Variants in ATP13A4 observed in about 807,000 individuals in gnomAD.
ATP13A4 encodes the protein ATPase 13A4.
A neutral mutation model predicts 142.5 loss-of-function variants in ATP13A4; 114 were observed. The ratio of observed to expected loss-of-function variants is 0.80; its 90% CI spans 0.69 to 0.93. The LOEUF is 0.93. Ranked by LOEUF, ATP13A4 falls within the 40% of genes least tolerant of loss-of-function variation. The probability of loss-of-function intolerance (pLI) is 0.00; values close to 1 mark genes in which losing one functional copy is unlikely to be tolerated. For missense variants in ATP13A4, 1,392 were observed against 1,454.0 expected, an observed-to-expected ratio of 0.96 and a Z score of 0.69; for synonymous variants, 488 against 514.8, an observed-to-expected ratio of 0.95 and a Z score of 0.70.
intron 10 of ATP13A4, 48 bp downstream of exon 10, chr3:193,467,268 T>C (rs1400295519): frequency 6.2e-7 from 1 of 1,602,306 alleles, no homozygotes; most frequent in South Asian, 1.1e-5. Context: ...CTAGACAAAC[T>C]GGGCAAAAGT....
At chr3:193,483,115 C>T (rs1719387505) in intron 8 of ATP13A4, among the ~76,000 whole-genome samples, 1 of 152,048 alleles carries the variant, frequency 6.6e-6, no homozygotes, top group African/African-American at 2.4e-5. Flanking sequence ...TAACTATGAA[C>T]TTTGATCCCC....
At chr3:193,454,549 C>T (rs1306589653) in intron 16 of ATP13A4, among the ~76,000 whole-genome samples, 1 of 152,266 alleles carries the variant, frequency 6.6e-6, no homozygotes, top group East Asian at 1.9e-4. Context: ...AAGCTCTACA[C>T]CCAGAAATAA....
intron 18 of ATP13A4, among the ~76,000 whole-genome samples, chr3:193,444,178 G>C (rs1716811702): frequency 6.6e-6 from 1 of 152,078 alleles, no homozygotes; most frequent in South Asian, 2.1e-4. Flanking sequence ...AAAAAAAGCA[G>C]TTAGAGAAAA....
chr3:193,416,751 A>C (rs1340057909), intron 25 of ATP13A4, among the ~76,000 whole-genome samples: 1 of 152,186 alleles, frequency 6.6e-6, no homozygotes, highest in African/African-American at 2.4e-5. Context: ...GCAGACCAAC[A>C]TGTACGTTGT....
At chr3:193,518,461 C>A (rs1475734632) in intron 1 of ATP13A4, among the ~76,000 whole-genome samples, 1 of 152,094 alleles carries the variant, frequency 6.6e-6, no homozygotes, top group East Asian at 1.9e-4. Context: ...GGAAGGAAAG[C>A]AAGGGAATGA....
At chr3:193,572,584 T>C (rs1331082988) in intron 2 of ATP13A4, among the ~76,000 whole-genome samples, 3 of 152,154 alleles carry the variant, frequency 2.0e-5, no homozygotes, top group African/African-American at 7.2e-5. Context: ...GTCTTAACAT[T>C]CAATCTGCGT....
intron 2 of ATP13A4, among the ~76,000 whole-genome samples, chr3:193,576,912 A>G (rs2108744274): frequency 6.6e-6 from 1 of 152,378 alleles, no homozygotes; most frequent in South Asian, 2.1e-4. Flanking sequence ...GATAGAATGG[A>G]TGCTTCCAAA....
upstream of ATP13A4, among the ~76,000 whole-genome samples, chr3:193,556,476 T>C (rs139733664): frequency 4.0e-5 from 6 of 149,356 alleles, no homozygotes; most frequent in Non-Finnish European, 7.5e-5. Context: ...ACAAAATATA[T>C]ATGTACGTGT....
chr3:193,538,497 T>TAAA lies in ATP13A4; in HGVS notation c.60+16240_60+16242dup, dbSNP rs376175094. Among the ~76,000 whole-genome samples the TAAA allele has an allele frequency of 3.7e-3, 448 of 122,258 alleles. 5 individuals carry two copies. The highest frequency in any genetic ancestry group is 4.3e-3 in the Non-Finnish European group (246 of 57,620). 80.2% of individuals were successfully genotyped at this position (122,258 alleles called of 152,430 possible). On this transcript the variant is annotated intron_variant, in intron 1 of 29. Coordinates refer to ENST00000342695, the MANE Select transcript of ATP13A4 (RefSeq NM_032279.4). ...TTATTGTTAATGGAAGAATCCACAT[T>TAAA]AAAAAAAAAAAAAAAAACCCTAGGC...
intron 1 of ATP13A4, among the ~76,000 whole-genome samples, chr3:193,515,104 T>C (rs1721337169): frequency 6.6e-6 from 1 of 152,028 alleles, no homozygotes; most frequent in Non-Finnish European, 1.5e-5. Flanking sequence ...TTTCTATCAT[T>C]TGAGCACCTA....
rs967920434 is a variant in ATP13A4, at chr3:193,547,995, G to T, written c.60+6745C>A. Among the ~76,000 whole-genome samples the T allele has an allele frequency of 1.3e-5, 2 of 152,110 alleles. 1 individual carries two copies. Among genetic ancestry groups the T allele is most frequent in the South Asian group, 4.1e-4 (2 of 4,822 alleles). On this transcript the variant is annotated intron_variant, in intron 1 of 29. Transcript: ENST00000342695. ...AGAGGACTCCTGGCAAAAAGTAGAG[G>T]TTTCTTAAATACTTGTTGGGTTTAT...
chr3:193,545,973 T>TTGTGTGTG lies in ATP13A4; in HGVS notation c.60+8759_60+8766dup, dbSNP rs3053200. Among the ~76,000 whole-genome samples, 144 of 143,446 alleles carry TTGTGTGTG rather than the reference T, an allele frequency of 1.0e-3. 1 individual carries two copies. The highest frequency in any genetic ancestry group is 6.8e-3 in the South Asian group (29 of 4,266). 94.1% of individuals were successfully genotyped at this position (143,446 alleles called of 152,430 possible). On this transcript the variant is annotated intron_variant, in intron 1 of 29. Coordinates refer to ENST00000342695, the MANE Select transcript of ATP13A4 (RefSeq NM_032279.4). ...TTTATCTGTTTTCAAAATGTTTAAA[T>TTGTGTGTG]TGTGTGTGTGTGTGTGTGTGTGTGT...
intron 1 of ATP13A4, among the ~76,000 whole-genome samples, chr3:193,529,019 C>A (rs1722166844): frequency 1.3e-5 from 2 of 152,118 alleles, no homozygotes; most frequent in Non-Finnish European, 2.9e-5. Flanking sequence ...CACCTGTAAT[C>A]CCAGCACTTT....
chr3:193,532,521 T>TC (rs1228405217), intron 1 of ATP13A4, among the ~76,000 whole-genome samples: 1 of 151,336 alleles, frequency 6.6e-6, no homozygotes, highest in Non-Finnish European at 1.5e-5. Context: ...ATTAAATTGG[T>TC]CAAGATTTTT....
chr3:193,591,200 A>G (rs1453841996), intron 1 of ATP13A4, among the ~76,000 whole-genome samples: 1 of 152,130 alleles, frequency 6.6e-6, no homozygotes, highest in Non-Finnish European at 1.5e-5. Context: ...GTAGCTGGCT[A>G]ATTTTTTTAT....
intron 13 of ATP13A4, among the ~76,000 whole-genome samples, chr3:193,459,700 A>G (rs1006341009): frequency 6.6e-6 from 1 of 152,166 alleles, no homozygotes; most frequent in Non-Finnish European, 1.5e-5. Flanking sequence ...CGGCCTCCCA[A>G]AATGGTGGGA....
intron 1 of ATP13A4, among the ~76,000 whole-genome samples, chr3:193,547,607 C>T (rs1366757508): frequency 6.6e-6 from 1 of 152,200 alleles, no homozygotes; most frequent in Non-Finnish European, 1.5e-5. Flanking sequence ...CTAAATTGTT[C>T]CTTCTTCTGT....
chr3:193,533,231 T>A (rs1347680139), intron 1 of ATP13A4, among the ~76,000 whole-genome samples: 3 of 152,126 alleles, frequency 2.0e-5, no homozygotes, highest in Non-Finnish European at 4.4e-5. Context: ...TATACATTTT[T>A]AAGTAAATAA....
At chr3:193,414,471 C>A (rs1209727210) in intron 26 of ATP13A4, 108 bp downstream of exon 26, 6 of 1,378,766 alleles carry the variant, frequency 4.4e-6, no homozygotes, top group Non-Finnish European at 6.1e-6. Context: ...CTTTAAAAAG[C>A]CAAAACCTTT....
Sources: gnomAD v4.1 joint callset for allele counts (sites outside exome capture counted in the v4.1 genomes callset) on GRCh38, gnomAD v4.1.1 for gene constraint, MANE v1.5 for transcripts, NCBI Gene and HGNC (gene_info 2026-07-23, HGNC 2026-07-21) for gene names.